The following GAB1 variants were observed in gnomAD, a reference collection of about 807,000 sequenced individuals.
The protein encoded by GAB1 is GRB2 associated binding protein 1, also known as GRB2-associated-binding protein 1.
Under a neutral mutation model 66.5 loss-of-function variants are expected in GAB1, and 19 were observed. The ratio of observed to expected loss-of-function variants is 0.29; its 90% confidence interval spans 0.20 to 0.42. The LOEUF (loss-of-function observed/expected upper bound fraction) is 0.42, where lower values mean the gene tolerates loss of function less well. Among genes scored for constraint, GAB1 ranks in the 10% least tolerant of loss-of-function variants. The probability of loss-of-function intolerance (pLI) is 1.00; values close to 1 mark genes in which losing one functional copy is unlikely to be tolerated. For missense variants in GAB1, 732 were observed against 858.5 expected, an observed-to-expected ratio of 0.85 and a Z score of 1.84; for synonymous variants, 294 against 301.4, an observed-to-expected ratio of 0.98 and a Z score of 0.25.
At chr4:143,366,827 T>A (rs997119905) in intron 1 of GAB1, among the ~76,000 whole-genome samples, 1 of 152,044 alleles carries the variant, frequency 6.6e-6, no homozygotes, top group Admixed American at 6.5e-5. Context: ...CAATTCAATT[T>A]TTGAATTGAA....
intron 2 of GAB1, among the ~76,000 whole-genome samples, chr4:143,423,792 GTATATATATATATATATATATA>G (rs35559967): frequency 0.038 from 2,582 of 67,772 alleles, 197 homozygotes; most frequent in African/African-American, 0.099. Context: ...AAAAAAAAGT[GTATATATATATATATATATATA>G]TATATATATA....
At position 143,438,279 on chromosome 4, in the gene GAB1, G is replaced by T; in HGVS notation, c.874G>T (p.Gly292Trp). The T allele has an allele frequency of 6.2e-7, 1 of 1,613,904 alleles. No homozygotes were observed. The highest frequency in any genetic ancestry group is 8.5e-7 in the Non-Finnish European group (1 of 1,179,872). Residue 292 changes from glycine to tryptophan, a missense_variant, in exon 4 of 10, where the codon GGG (glycine) becomes TGG (tryptophan). Physicochemically the swap from Gly to Trp is radical, Grantham distance 184. Around this residue, in one of 4 missense-constraint regions of GAB1, gnomAD observed 427 missense variants for 420.6 expected, o/e 1.02. Transcript: ENST00000262994. ...GELYVFNTPS[G>W]TSSVETQMRH... ...ACTCTATGTTTTTAATACCCCATCT[G>T]GGACATCGAGTGTAGAGACTCAAAT...
intron 1 of GAB1, among the ~76,000 whole-genome samples, chr4:143,364,593 G>A (rs1005046445): frequency 1.3e-5 from 2 of 152,136 alleles, no homozygotes; most frequent in East Asian, 1.9e-4. Flanking sequence ...AGTCTGTCTC[G>A]GATGGGCCTT....
chr4:143,420,313 A>G (rs899872608), intron 2 of GAB1, among the ~76,000 whole-genome samples: 4 of 152,144 alleles, frequency 2.6e-5, no homozygotes, highest in Non-Finnish European at 4.4e-5. Flanking sequence ...AGTCTAAGAA[A>G]ATAACTGTCC....
At chr4:143,431,988 G>A (rs1733681168) in intron 2 of GAB1, among the ~76,000 whole-genome samples, 1 of 152,180 alleles carries the variant, frequency 6.6e-6, no homozygotes, top group Admixed American at 6.5e-5. Context: ...ACCTGGTGGA[G>A]AATAGGAAAA....
chr4:143,360,122 A>C (rs2149656036), intron 1 of GAB1, among the ~76,000 whole-genome samples: 1 of 152,302 alleles, frequency 6.6e-6, no homozygotes. Context: ...AAATGATCTA[A>C]CTTTATATGA....
At chr4:143,431,343 T>A (rs553309697) in intron 2 of GAB1, among the ~76,000 whole-genome samples, 2 of 152,184 alleles carry the variant, frequency 1.3e-5, no homozygotes, top group South Asian at 4.1e-4. Flanking sequence ...GAATTAAGGG[T>A]GGCAAGGCAA....
chr4:143,426,257 C>T (rs2149735615), intron 2 of GAB1, among the ~76,000 whole-genome samples: 1 of 152,282 alleles, frequency 6.6e-6, no homozygotes. Flanking sequence ...GGAAGTGCCC[C>T]TTGCCTTAAT....
chr4:143,448,104 A>G (rs998983950), intron 6 of GAB1, among the ~76,000 whole-genome samples: 26 of 151,866 alleles, frequency 1.7e-4, no homozygotes, highest in South Asian at 4.1e-4. Flanking sequence ...ATTGATTTGC[A>G]TATATTGAAC....
intron 2 of GAB1, among the ~76,000 whole-genome samples, chr4:143,418,880 C>T (rs560371910): frequency 1.4e-4 from 22 of 152,250 alleles, no homozygotes; most frequent in African/African-American, 4.1e-4. Context: ...TAAGGCACAG[C>T]GTCTTGTCTA....
intron 1 of GAB1, among the ~76,000 whole-genome samples, chr4:143,338,321 A>T (rs889601203): frequency 2.0e-5 from 3 of 152,212 alleles, no homozygotes; most frequent in African/African-American, 7.2e-5. Context: ...ATGCCCCCTT[A>T]AATATAATAT....
chr4:143,348,870 G>C (rs1030810802), intron 1 of GAB1, among the ~76,000 whole-genome samples: 1 of 151,920 alleles, frequency 6.6e-6, no homozygotes, highest in African/African-American at 2.4e-5. Flanking sequence ...CTCTCTCTCC[G>C]GGCCTTTGCA....
chr4:143,433,744 GAGAC>G, intron 3 of GAB1, 28 bp downstream of exon 3: 1 of 1,532,616 alleles, frequency 6.5e-7, no homozygotes, highest in Admixed American at 1.7e-5. Flanking sequence ...ATGTGAGAGA[GAGAC>G]AGAGGCGTGT....
Position 143,398,545 on chromosome 4 carries a change from C to T in GAB1, c.73-16932C>T, listed in dbSNP as rs960845628. Among the ~76,000 whole-genome samples the T allele has an allele frequency of 6.6e-5, 10 of 152,150 alleles. No homozygotes were observed. The East Asian group carries it at 1.7e-3, about 26-fold the overall frequency. Reference sequence around the variant, plus strand: ...ATCATTTAAGGCCAGAAACTATATCCACTACTTGTATCTCCCTTTTGGGAT... The same window carrying T: ...ATCATTTAAGGCCAGAAACTATATCTACTACTTGTATCTCCCTTTTGGGAT... On this transcript the variant is annotated intron_variant, in intron 1 of 9. Transcript: ENST00000262994.
intron 6 of GAB1, among the ~76,000 whole-genome samples, chr4:143,443,103 G>A (rs1222816869): frequency 1.4e-5 from 2 of 145,834 alleles, no homozygotes; most frequent in Non-Finnish European, 3.0e-5. Flanking sequence ...TGCAAGCTCC[G>A]CCTCTGGGGT....
chr4:143,387,964 G>A (rs969823497), intron 1 of GAB1, among the ~76,000 whole-genome samples: 1 of 152,184 alleles, frequency 6.6e-6, no homozygotes, highest in Non-Finnish European at 1.5e-5. Context: ...TCTGTCCAAA[G>A]GGTTTGGGGA....
intron 1 of GAB1, among the ~76,000 whole-genome samples, chr4:143,352,207 A>T (rs144906067): frequency 4.2e-4 from 64 of 152,326 alleles, no homozygotes; most frequent in African/African-American, 1.5e-3. Flanking sequence ...CTTGGCTGCA[A>T]TATCACCATT....
At chr4:143,344,907 C>T (rs1017792637) in intron 1 of GAB1, among the ~76,000 whole-genome samples, 7 of 152,150 alleles carry the variant, frequency 4.6e-5, no homozygotes, top group African/African-American at 1.7e-4. Context: ...TCTCCCAGCC[C>T]GTTTTTAAAA....
chr4:143,337,116 C>A lies in GAB1; in HGVS notation c.-73C>A. On this transcript the variant is annotated 5_prime_UTR_variant, in exon 1 of 10. Transcript: ENST00000262994. ...TAGGTTCTCGCCACTGCGCGCTCGG[C>A]AGGCGTCGGCTGTGTCGGGAGCGCG... 1 of 1,358,964 alleles carries A rather than the reference C, an allele frequency of 7.4e-7. No individual in the cohort carries two copies. Among genetic ancestry groups the A allele is most frequent in the Non-Finnish European group, 1.0e-6 (1 of 984,140 alleles). 84.2% of individuals were successfully genotyped at this position (1,358,964 alleles called of 1,614,324 possible).
Sources: allele counts gnomAD v4.1 joint callset (sites outside exome capture counted in the v4.1 genomes callset), GRCh38; gene constraint gnomAD v4.1.1; regional missense constraint gnomAD v4.1.1; transcripts MANE v1.5; gene names NCBI Gene and HGNC (gene_info 2026-07-23, HGNC 2026-07-21).